The following ALDH6A1 variants were observed in gnomAD, a reference collection of about 807,000 sequenced individuals.
ALDH6A1 encodes the protein aldehyde dehydrogenase 6 family member A1, also known as methylmalonate-semialdehyde/malonate-semialdehyde dehydrogenase [acylating], mitochondrial.
Under a neutral mutation model 62.6 loss-of-function variants are expected in ALDH6A1, and 43 were observed. The observed-to-expected ratio is 0.69, with a 90% CI of 0.54 to 0.89. ALDH6A1 has a LOEUF of 0.89. Ranked by LOEUF, ALDH6A1 falls within the 40% of genes least tolerant of loss-of-function variation. The probability of loss-of-function intolerance (pLI) is 0.00; values close to 1 mark genes in which losing one functional copy is unlikely to be tolerated. For synonymous variants in ALDH6A1, 194 were observed against 234.2 expected, an observed-to-expected ratio of 0.83 and a Z score of 1.57; for missense variants, 551 against 661.3, an observed-to-expected ratio of 0.83 and a Z score of 1.83.
intron 1 of ALDH6A1, among the ~76,000 whole-genome samples, chr14:74,082,406 T>TG (rs1487598897): frequency 8.5e-5 from 12 of 141,042 alleles, no homozygotes; most frequent in African/African-American, 2.9e-4. Context: ...TTTTTTTTTT[T>TG]TTTTTTTTTT....
intron 2 of ALDH6A1, among the ~76,000 whole-genome samples, chr14:74,073,241 C>T (rs2060574165): frequency 6.6e-6 from 1 of 152,050 alleles, no homozygotes. Context: ...GCAGCTGGGA[C>T]TACAGGCACA....
chr14:74,077,018 G>C (rs1029859858), intron 1 of ALDH6A1, among the ~76,000 whole-genome samples: 1 of 152,210 alleles, frequency 6.6e-6, no homozygotes, highest in Non-Finnish European at 1.5e-5. Flanking sequence ...AAGGGTGCCT[G>C]CAGCACTGCC....
intron 8 of ALDH6A1, 128 bp from the exon 9 acceptor site, chr14:74,067,014 C>G: frequency 1.1e-6 from 1 of 899,432 alleles, no homozygotes; most frequent in Non-Finnish European, 1.8e-6. Context: ...CCAGGAGTTC[C>G]AGACCAGCCT....
intron 11 of ALDH6A1, among the ~76,000 whole-genome samples, chr14:74,061,049 C>T (rs2060328618): frequency 6.6e-6 from 1 of 152,084 alleles, no homozygotes; most frequent in African/African-American, 2.4e-5. Context: ...ATGATCTCAG[C>T]TCACTGCAAC....
Position 74,064,831 on chromosome 14 carries a change from A to T in ALDH6A1, c.1494T>A (p.Tyr498Ter). 6.2e-7 allele frequency: 1 copy of T among 1,614,072 alleles called. No homozygotes were observed. Among genetic ancestry groups the T allele is most frequent in the South Asian group, 1.1e-5 (1 of 91,088 alleles). The change falls in exon 11 of 12, where the codon TAT becomes TAA. Residue 498 changes from tyrosine (Y) to a stop codon, truncating the protein, a stop_gained. Transcript: ENST00000553458. LOFTEE classifies it high-confidence loss of function. The part of the protein sequence containing the change: ...RSSFRGDTNF[Y>*]GKQGIQFYTQ... Reference sequence around the variant, plus strand: ...TTAACTCAAAAGTTACCTGTTTGCCATAGAAATTGGTGTCTCCCCTGAAGG... The same window carrying T: ...TTAACTCAAAAGTTACCTGTTTGCCTTAGAAATTGGTGTCTCCCCTGAAGG...
At chr14:74,079,514 A>G (rs2060650634) in intron 1 of ALDH6A1, among the ~76,000 whole-genome samples, 1 of 151,136 alleles carries the variant, frequency 6.6e-6, no homozygotes, top group Admixed American at 6.6e-5. Flanking sequence ...GCTCACCGCA[A>G]GCTCCGCCTC....
At chr14:74,069,005 A>C (rs1772765520) in intron 6 of ALDH6A1, 24 bp from the exon 7 acceptor site, 1 of 1,610,396 alleles carries the variant, frequency 6.2e-7, no homozygotes. Flanking sequence ...ATAAATGATC[A>C]CTCACAAAGG....
Position 74,057,486 on chromosome 14 carries a change from T to A in ALDH6A1, c.*3156A>T. On this transcript the variant is annotated 3_prime_UTR_variant, in exon 12 of 12. Coordinates refer to ENST00000553458, the MANE Select transcript of ALDH6A1 (RefSeq NM_005589.4). ...GTGTGCCTCTTTTTGTGTAGAAACC[T>A]ATAGGTTGCCTTTTGAAGTAAACAG... 6 of 1,420,480 alleles carry A rather than the reference T, an allele frequency of 4.2e-6. No individual in the cohort carries two copies. Among genetic ancestry groups the A allele is most frequent in the Non-Finnish European group, 5.5e-6 (6 of 1,088,438 alleles). 88.0% of individuals were successfully genotyped at this position (1,420,480 alleles called of 1,614,324 possible).
chr14:74,060,670 G>C lies in ALDH6A1; in HGVS notation c.1580C>G (p.Ala527Gly). ...ACGGCCCATGGTAGGCATGACAACAGCAGGTGAGGAAAGAGTAGCATCTTC... is the reference window on the plus strand; with the variant it reads ...ACGGCCCATGGTAGGCATGACAACACCAGGTGAGGAAAGAGTAGCATCTTC... Reference protein sequence around the residue: ...KEEDATLSSPAVVMPTMGR With the variant: ...KEEDATLSSPGVVMPTMGR Residue 527 changes from alanine (A) to glycine (G), a missense_variant, in exon 12 of 12, where the codon GCT becomes GGT. Coordinates refer to ENST00000553458, the MANE Select transcript of ALDH6A1 (RefSeq NM_005589.4). 1 of 1,613,386 alleles carries C rather than the reference G, an allele frequency of 6.2e-7. No homozygotes were observed. Among genetic ancestry groups the C allele is most frequent in the Non-Finnish European group, 8.5e-7 (1 of 1,179,302 alleles).
intron 5 of ALDH6A1, 63 bp downstream of exon 5, chr14:74,071,833 G>T: frequency 1.3e-6 from 2 of 1,565,810 alleles, no homozygotes. Flanking sequence ...CCCATTCTGC[G>T]ATCTTTGCCT....
rs539407699 is a variant in ALDH6A1 at position 74,084,409 on chromosome 14, C to T, written c.-15G>A. ...AGCGCCGCCATGGCTCTCGGCCGCC[C>T]TAGCTCCGCACCCCGCGCCTCTACT... On this transcript the variant is annotated 5_prime_UTR_variant, in exon 1 of 12. Transcript: ENST00000553458. The T allele has an allele frequency of 5.0e-6, 8 of 1,612,708 alleles. No individual in the cohort carries two copies. The Admixed American group carries it at 5.0e-5, about 10-fold the overall frequency.
Position 74,057,842 on chromosome 14 carries a change from C to G in ALDH6A1, c.*2800G>C. 9.7e-7 allele frequency: 1 copy of G among 1,033,522 alleles called. No individual in the cohort carries two copies. The highest frequency in any genetic ancestry group is 1.2e-6 in the Non-Finnish European group (1 of 858,584). 64.0% of individuals were successfully genotyped at this position (1,033,522 alleles called of 1,614,324 possible). ...CTAAGAAATAAGAAACTCTGAGCAG[C>G]AAATAGTTGGCCAGATGAGTTGTTT... On this transcript the variant is annotated 3_prime_UTR_variant, in exon 12 of 12. Coordinates refer to ENST00000553458, the MANE Select transcript of ALDH6A1 (RefSeq NM_005589.4).
Position 74,060,558 on chromosome 14 carries a change from G to A in ALDH6A1, c.*84C>T. 2 of 1,025,750 alleles carry A rather than the reference G, an allele frequency of 1.9e-6. No homozygotes were observed. The highest frequency in any genetic ancestry group is 4.8e-5 in the East Asian group (2 of 42,092). 63.5% of individuals were successfully genotyped at this position (1,025,750 alleles called of 1,614,324 possible). ...CAATGTATTCCAATCCCATCGATCTGATCTGAGCAAAGCTGACAAATGAAG... is the reference window on the plus strand; with the variant it reads ...CAATGTATTCCAATCCCATCGATCTAATCTGAGCAAAGCTGACAAATGAAG... On this transcript the variant is annotated 3_prime_UTR_variant, in exon 12 of 12. Transcript: ENST00000553458.
At position 74,057,117 on chromosome 14, in the gene ALDH6A1, G is replaced by A. The variant is rs374862219; in HGVS notation, c.*3525C>T. ...GTTTCATGTGTGTAGAGTTGTTGAC[G>A]GTTCTGTTATTTTGTCATTATTGCA... On this transcript the variant is annotated 3_prime_UTR_variant, in exon 12 of 12. Transcript: ENST00000553458. The A allele has an allele frequency of 3.0e-5, 48 of 1,604,290 alleles. No homozygotes were observed. In the African/African-American group the frequency reaches 3.2e-4, roughly 11 times the overall value.
chr14:74,084,310 C>T (rs2060700748), intron 1 of ALDH6A1, 37 bp downstream of exon 1: 19 of 1,613,560 alleles, frequency 1.2e-5, no homozygotes, highest in Non-Finnish European at 1.5e-5. Context: ...GGATCCAATT[C>T]CTAGCTTCAT....
rs2060233851 is a variant in ALDH6A1 at position 74,057,244 on chromosome 14, C to T, written c.*3398G>A. 2 of 1,614,014 alleles carry T rather than the reference C, an allele frequency of 1.2e-6. No homozygotes were observed. Reference sequence around the variant, plus strand: ...GCTACCCACTATTCCAAAAGAACCTCAGGAGTCTGACACAGTAAGGAGTCT... The same window carrying T: ...GCTACCCACTATTCCAAAAGAACCTTAGGAGTCTGACACAGTAAGGAGTCT... On this transcript the variant is annotated 3_prime_UTR_variant, in exon 12 of 12. Coordinates refer to ENST00000553458, the MANE Select transcript of ALDH6A1 (RefSeq NM_005589.4).
intron 1 of ALDH6A1, among the ~76,000 whole-genome samples, chr14:74,083,447 T>C (rs2060689896): frequency 6.6e-6 from 1 of 152,210 alleles, no homozygotes; most frequent in South Asian, 2.1e-4. Flanking sequence ...CCATTTCTCC[T>C]TAGGTTGGCT....
Position 74,072,356 on chromosome 14 carries a change from A to G in ALDH6A1, c.195T>C (p.Asn65=), listed in dbSNP as rs2060561868. 6.2e-7 allele frequency: 1 copy of G among 1,614,042 alleles called. No individual in the cohort carries two copies. Among genetic ancestry groups the G allele is most frequent in the Admixed American group, 1.7e-5 (1 of 60,000 alleles). ...KWIDIHNPAT[N]EVIGRVPQAT... is the part of the protein sequence containing the mutation. ...CCTGAGGGACCCGACCAATGACCTC[A>G]TTGGTGGCCTGATGAGAAAAATAAG... The change falls in exon 4 of 12, where the codon AAT becomes AAC. Residue 65 remains asparagine, a synonymous_variant. Transcript: ENST00000553458.
At position 74,062,028 on chromosome 14, in the gene ALDH6A1, T is replaced by A. The variant is rs1378831477; in HGVS notation, c.1504-1282A>T. On this transcript the variant is annotated intron_variant, in intron 11 of 11. Coordinates refer to ENST00000553458, the MANE Select transcript of ALDH6A1 (RefSeq NM_005589.4). ...AGCTCAAGACCAGCCTGGCCCAACA[T>A]GGCGAAACCTCGTCTCTACTGGGAA... Among the ~76,000 whole-genome samples the A allele has an allele frequency of 3.4e-5, 4 of 117,176 alleles. No individual in the cohort carries two copies. The East Asian group carries it at 1.0e-3, about 31-fold the overall frequency. The allele number at this position is 117,176 out of a possible 152,430, so 76.9% of individuals were successfully genotyped here.
Sources: allele counts gnomAD v4.1 joint callset (sites outside exome capture counted in the v4.1 genomes callset), GRCh38; gene constraint gnomAD v4.1.1; transcripts MANE v1.5; gene names NCBI Gene and HGNC (gene_info 2026-07-23, HGNC 2026-07-21).